The following ANKRD26 variants were observed in gnomAD, a reference collection of about 807,000 sequenced individuals.
ANKRD26 encodes the protein ankyrin repeat domain-containing protein 26.
Under a neutral mutation model 208.7 loss-of-function variants are expected in ANKRD26, and 141 were observed. The observed-to-expected ratio is 0.68, with a 90% CI of 0.59 to 0.78. The LOEUF (loss-of-function observed/expected upper bound fraction) is 0.78. Ranked by LOEUF, ANKRD26 falls within the 30% of genes least tolerant of loss-of-function variation. The probability of loss-of-function intolerance (pLI) is 0.00; values close to 1 mark genes in which losing one functional copy is unlikely to be tolerated. For synonymous variants in ANKRD26, 636 were observed against 660.4 expected (o/e 0.96, Z 0.57); for missense variants, 1,889 against 1,938.7 (o/e 0.97, Z 0.48).
At position 27,005,417 on chromosome 10, in the gene ANKRD26, A is replaced by AATCCACTT; in HGVS notation, c.*165_*172dup. 1 of 1,346,284 alleles carries AATCCACTT rather than the reference A, an allele frequency of 7.4e-7. No homozygotes were observed. The highest frequency in any genetic ancestry group is 9.5e-7 in the Non-Finnish European group (1 of 1,050,908). 83.4% of individuals were successfully genotyped at this position (1,346,284 alleles called of 1,614,324 possible). On this transcript the variant is annotated 3_prime_UTR_variant, in exon 34 of 34. Transcript: ENST00000376087. Reference sequence around the variant, plus strand: ...CAATATTCCTGGTTTTCATTGGCAAAATCCACTTAAAAGTTAAAGAAGCCA... The same window carrying AATCCACTT: ...CAATATTCCTGGTTTTCATTGGCAAAATCCACTTATCCACTTAAAAGTTAAAGAAGCCA...
Position 27,065,751 on chromosome 10 carries a change from A to G in ANKRD26, c.1269+736T>C, listed in dbSNP as rs142085731. ...AAAAAACAAAAAAAAAAAACAAAAA[A>G]AACTACATTCCAAACTGTTTCTCTC... is the stretch of plus-strand genomic sequence containing the variant. On this transcript the variant is annotated intron_variant, in intron 11 of 33. Coordinates refer to ENST00000376087, the MANE Select transcript of ANKRD26 (RefSeq NM_014915.3). Among the ~76,000 whole-genome samples, 1,011 of 150,482 alleles carry G rather than the reference A, an allele frequency of 6.7e-3. 10 individuals are homozygous for G. Among genetic ancestry groups the G allele is most frequent in the African/African-American group, 0.023 (956 of 41,262 alleles).
At chr10:27,051,145 CT>C in intron 16 of ANKRD26, 1 of 1,290,284 alleles carries the variant, frequency 7.8e-7, no homozygotes, top group Non-Finnish European at 1.0e-6. Flanking sequence ...CTTTGCATAT[CT>C]TGCTGTAATT....
At chr10:27,053,257 A>G in intron 16 of ANKRD26, 63 bp downstream of exon 16, 1 of 1,161,842 alleles carries the variant, frequency 8.6e-7, no homozygotes, top group Non-Finnish European at 1.3e-6. Context: ...CATTTGGACT[A>G]TGTTACATCA....
chr10:27,059,826 C>T (rs968421257), intron 15 of ANKRD26, among the ~76,000 whole-genome samples: 4 of 151,576 alleles, frequency 2.6e-5, no homozygotes, highest in South Asian at 2.1e-4. Context: ...ACCCAGGAGG[C>T]GGAGGCTGCA....
intron 4 of ANKRD26, among the ~76,000 whole-genome samples, chr10:26,998,673 G>A (rs746838755): frequency 1.9e-4 from 29 of 152,180 alleles, no homozygotes; most frequent in African/African-American, 2.4e-4. Context: ...ATAGACAAAC[G>A]CTGGGGTTCC....
chr10:27,072,988 C>T (rs2055560851), intron 9 of ANKRD26, among the ~76,000 whole-genome samples: 1 of 152,164 alleles, frequency 6.6e-6, no homozygotes, highest in Admixed American at 6.5e-5. Flanking sequence ...CCAGCACCAC[C>T]CTGGAGTATG....
the ANKRD26 span, among the ~76,000 whole-genome samples, chr10:26,967,711 C>A: frequency 6.6e-6 from 1 of 152,182 alleles, no homozygotes; most frequent in Non-Finnish European, 1.5e-5. Flanking sequence ...CTTCCTCAAA[C>A]CCAAACTTGT....
chr10:26,951,626 T>G, the ANKRD26 span, among the ~76,000 whole-genome samples: 1 of 152,222 alleles, frequency 6.6e-6, no homozygotes, highest in Admixed American at 6.5e-5. Context: ...TTTTAAAATT[T>G]TAAGTAGATA....
At chr10:26,975,639 C>T (rs1272463649) in exon 6 of ANKRD26, among the ~76,000 whole-genome samples, 4 of 151,606 alleles carry the variant, frequency 2.6e-5, no homozygotes, top group African/African-American at 7.3e-5. Flanking sequence ...GTCAGGAGTT[C>T]GAGACCAGCC....
rs191989707 is a variant in ANKRD26 at position 27,005,316 on chromosome 10, A to C, written c.*274T>G. The C allele has an allele frequency of 3.4e-4, 381 of 1,129,500 alleles. 1 individual carries two copies. Among genetic ancestry groups the C allele is most frequent in the South Asian group, 7.9e-4 (32 of 40,502 alleles). 70.0% of individuals were successfully genotyped at this position (1,129,500 alleles called of 1,614,324 possible). On this transcript the variant is annotated 3_prime_UTR_variant, in exon 34 of 34. Transcript: ENST00000376087. ...TACAAATAAGCCATCAATTAACTGCACTAAAGTATTAATGACAACTTAGTG... is the reference window on the plus strand; with the variant it reads ...TACAAATAAGCCATCAATTAACTGCCCTAAAGTATTAATGACAACTTAGTG...
intron 28 of ANKRD26, among the ~76,000 whole-genome samples, chr10:27,023,249 G>A (rs2053548594): frequency 6.6e-6 from 1 of 152,088 alleles, no homozygotes; most frequent in African/African-American, 2.4e-5. Flanking sequence ...GGCGGAGCCA[G>A]GAGAATGGCT....
chr10:27,033,649 C>T (rs1000189077), intron 24 of ANKRD26, among the ~76,000 whole-genome samples: 1 of 152,176 alleles, frequency 6.6e-6, no homozygotes, highest in Non-Finnish European at 1.5e-5. Flanking sequence ...CATGAATTTA[C>T]ACTGCTTAAC....
chr10:27,016,467 T>A (rs1467949927), intron 30 of ANKRD26, among the ~76,000 whole-genome samples: 1 of 152,036 alleles, frequency 6.6e-6, no homozygotes, highest in Non-Finnish European at 1.5e-5. Context: ...TTAGTAGATA[T>A]GGGTTTTCAC....
At chr10:26,972,241 A>C (rs1323381410), downstream of ANKRD26, among the ~76,000 whole-genome samples, 1 of 151,644 alleles carries the variant, frequency 6.6e-6, no homozygotes, top group Non-Finnish European at 1.5e-5. Context: ...TCTCAAAAAA[A>C]AAAAAAAAAA....
In ANKRD26 at chr10:27,076,126, A is replaced by G. The variant is rs548734255; in HGVS notation, c.1077+1212T>C. Among the ~76,000 whole-genome samples the G allele has an allele frequency of 1.1e-4, 17 of 152,348 alleles. No homozygotes were observed. The East Asian group carries it at 1.3e-3, about 12-fold the overall frequency. On this transcript the variant is annotated intron_variant, in intron 9 of 33. Transcript: ENST00000376087. The stretch of plus-strand genomic sequence containing the variant: ...TACTAACATCACACCTCAGGAAATT[A>G]GAGAAACAAGGACAAACCAAACCCA...
At chr10:27,024,111 T>C (rs1264262178) in intron 28 of ANKRD26, among the ~76,000 whole-genome samples, 2 of 152,086 alleles carry the variant, frequency 1.3e-5, no homozygotes, top group Non-Finnish European at 2.9e-5. Flanking sequence ...AATATCTTCT[T>C]TGAAGGGAAG....
At chr10:27,037,429 T>C in intron 22 of ANKRD26, 106 bp from the exon 23 acceptor site, 1 of 1,211,464 alleles carries the variant, frequency 8.3e-7, no homozygotes, top group South Asian at 1.3e-5. Flanking sequence ...AAATAGCACA[T>C]TAAAATGCAA....
intron 13 of ANKRD26, among the ~76,000 whole-genome samples, 197 bp downstream of exon 13, chr10:27,060,947 A>C (rs960812851): frequency 1.1e-4 from 17 of 152,220 alleles, no homozygotes; most frequent in African/African-American, 3.6e-4. Context: ...AACACATCAG[A>C]ATCATTTATA....
At chr10:26,962,250 T>C in the ANKRD26 span, among the ~76,000 whole-genome samples, 12 of 151,992 alleles carry the variant, frequency 7.9e-5, no homozygotes, top group African/African-American at 2.7e-4. Context: ...GGCAACATAG[T>C]GAGATGCCCA....
Sources: allele counts gnomAD v4.1 joint callset (sites outside exome capture counted in the v4.1 genomes callset), GRCh38; gene constraint gnomAD v4.1.1; transcripts MANE v1.5; gene names NCBI Gene and HGNC (gene_info 2026-07-23, HGNC 2026-07-21).